The following BCAR3 variants were observed in gnomAD, a reference collection of about 807,000 sequenced individuals.
The protein encoded by BCAR3 is breast cancer anti-estrogen resistance protein 3.
A neutral mutation model predicts 80.1 loss-of-function variants in BCAR3; 37 were observed. That is an observed-to-expected ratio of 0.46 (90% CI 0.36 to 0.61). The LOEUF (loss-of-function observed/expected upper bound fraction) is 0.61. Among genes scored for constraint, BCAR3 ranks in the 20% least tolerant of loss-of-function variants. The pLI is 0.00. For synonymous variants in BCAR3, 389 were observed against 418.9 expected (o/e 0.93, Z 0.87); for missense variants, 978 against 1,068.2 (o/e 0.92, Z 1.18).
At chr1:93,753,214 C>T (rs1453466890) in intron 2 of BCAR3, 3 of 152,190 alleles carry the variant, frequency 2.0e-5, no homozygotes, top group African/African-American at 7.2e-5. Flanking sequence ...GTGAATGATA[C>T]AGCTGCGATT....
intron 3 of BCAR3, among the ~76,000 whole-genome samples, chr1:93,610,934 A>G (rs532484944): frequency 4.6e-5 from 7 of 151,668 alleles, no homozygotes; most frequent in Admixed American, 2.0e-4. Context: ...AAAAAAAAAG[A>G]AAGAGCACTA....
At chr1:93,724,680 G>A (rs1650520124) in intron 2 of BCAR3, among the ~76,000 whole-genome samples, 1 of 152,174 alleles carries the variant, frequency 6.6e-6, no homozygotes, top group Non-Finnish European at 1.5e-5. Context: ...GTCCCATCTA[G>A]TGGGCCTTGG....
intron 3 of BCAR3, among the ~76,000 whole-genome samples, chr1:93,688,859 AC>A (rs1339516366): frequency 1.4e-4 from 21 of 151,880 alleles, no homozygotes; most frequent in African/African-American, 4.6e-4. Context: ...CTGCTCTCAA[AC>A]TCCTGACCTC....
chr1:93,664,876 G>C (rs1647826778), intron 2 of BCAR3, among the ~76,000 whole-genome samples: 1 of 152,180 alleles, frequency 6.6e-6, no homozygotes. Flanking sequence ...CAGATGCTTT[G>C]TTTGGCTGCT....
intron 2 of BCAR3, among the ~76,000 whole-genome samples, chr1:93,745,649 G>C (rs1042053197): frequency 3.9e-5 from 6 of 152,120 alleles, no homozygotes; most frequent in African/African-American, 1.4e-4. Flanking sequence ...TCTCTTCCAG[G>C]TGTTCATAAC....
At chr1:93,835,321 G>A (rs531008071) in intron 2 of BCAR3, among the ~76,000 whole-genome samples, 1 of 152,284 alleles carries the variant, frequency 6.6e-6, no homozygotes, top group African/African-American at 2.4e-5. Flanking sequence ...GCCATCAAAA[G>A]GCATCAGATC....
chr1:93,592,609 G>A lies in BCAR3; in HGVS notation c.358-216C>T. 1 of 524,264 alleles carries A rather than the reference G, an allele frequency of 1.9e-6. No homozygotes were observed. The highest frequency in any genetic ancestry group is 3.2e-6 in the Non-Finnish European group (1 of 307,874). 32.5% of individuals were successfully genotyped at this position (524,264 alleles called of 1,614,324 possible). A position where few individuals can be genotyped will look rare whatever the true frequency, so the allele number is the denominator to read the frequency against. ...TCACCTGCACATGGGGACTATGGTA[G>A]GAGAGTCCACCAAGAGGTTCCTTTT... On this transcript the variant is annotated intron_variant, in intron 3 of 11. Coordinates refer to ENST00000260502, the MANE Select transcript of BCAR3 (RefSeq NM_003567.4). This position sits in a 1 kb window ranked among gnomAD's most constrained non-coding sequence, Gnocchi z 4.8.
chr1:93,656,652 T>C (rs1387266776), intron 2 of BCAR3, among the ~76,000 whole-genome samples: 1 of 151,150 alleles, frequency 6.6e-6, no homozygotes, highest in African/African-American at 2.4e-5. Flanking sequence ...TCACCCAGGC[T>C]AAAGTACAGT....
At chr1:93,625,934 C>G (rs990767604) in intron 3 of BCAR3, among the ~76,000 whole-genome samples, 3 of 151,908 alleles carry the variant, frequency 2.0e-5, no homozygotes, top group Non-Finnish European at 4.4e-5. Flanking sequence ...ATTTCTCCCT[C>G]GACTACACTT....
chr1:93,606,380 T>C (rs1010979350), intron 3 of BCAR3, among the ~76,000 whole-genome samples: 1 of 151,844 alleles, frequency 6.6e-6, no homozygotes, highest in Non-Finnish European at 1.5e-5. Flanking sequence ...CACAAGAAAA[T>C]AGGGTGGTGG....
At chr1:93,671,591 G>C (rs978009241) in intron 2 of BCAR3, among the ~76,000 whole-genome samples, 3 of 152,176 alleles carry the variant, frequency 2.0e-5, no homozygotes, top group Non-Finnish European at 4.4e-5. Context: ...GACTGAGCTG[G>C]AGTGAATGGT....
chr1:93,697,619 A>G (rs1266867071), intron 3 of BCAR3, among the ~76,000 whole-genome samples: 1 of 152,140 alleles, frequency 6.6e-6, no homozygotes, highest in Admixed American at 6.5e-5. Flanking sequence ...ATACTATACA[A>G]TTGGACTCTG....
At chr1:93,701,500 A>C (rs1649641174) in intron 3 of BCAR3, among the ~76,000 whole-genome samples, 1 of 152,212 alleles carries the variant, frequency 6.6e-6, no homozygotes, top group African/African-American at 2.4e-5. Context: ...ATCTCTTCAC[A>C]ATGACATATT....
chr1:93,610,489 AAAC>A (rs146214546), intron 3 of BCAR3, among the ~76,000 whole-genome samples: 1,969 of 152,312 alleles, frequency 0.013, 37 homozygotes, highest in African/African-American at 0.046. Context: ...AAAAACAAAC[AAAC>A]AACAACATCA....
chr1:93,582,736 C>T lies in BCAR3; in HGVS notation c.1251G>A (p.Ser417=), dbSNP rs757652521. ...PCKVPFLKVP[S]SPSAWLNSEA... The stretch of plus-strand genomic sequence containing the variant: ...CTGAGTTGAGCCAGGCAGAGGGAGA[C>T]GAGGGAACCTTGAGGAACGGCACCT... The change falls in exon 7 of 12, where the codon TCG becomes TCA. Residue 417 remains serine, a synonymous_variant. Transcript: ENST00000260502. 4.1e-5 allele frequency: 66 copies of T among 1,613,954 alleles called. No homozygotes were observed. The highest frequency in any genetic ancestry group is 8.9e-5 in the East Asian group (4 of 44,874).
intron 3 of BCAR3, among the ~76,000 whole-genome samples, chr1:93,608,268 G>A (rs973203456): frequency 1.3e-5 from 2 of 152,176 alleles, no homozygotes; most frequent in East Asian, 3.9e-4. Flanking sequence ...ACACACACTG[G>A]AAATACAGCT....
intron 2 of BCAR3, among the ~76,000 whole-genome samples, chr1:93,783,488 T>C (rs960982792): frequency 6.6e-6 from 1 of 151,734 alleles, no homozygotes; most frequent in African/African-American, 2.4e-5. Context: ...AGCATAAATA[T>C]ATAGAAAAAA....
At chr1:93,763,248 G>C (rs959454824) in intron 2 of BCAR3, among the ~76,000 whole-genome samples, 9 of 152,080 alleles carry the variant, frequency 5.9e-5, no homozygotes, top group Non-Finnish European at 1.3e-4. Context: ...ATGTTTTTTA[G>C]AGTTGGGGTC....
intron 3 of BCAR3, among the ~76,000 whole-genome samples, chr1:93,605,791 A>C (rs977218963): frequency 2.0e-5 from 3 of 152,238 alleles, no homozygotes; most frequent in Non-Finnish European, 2.9e-5. Flanking sequence ...TGAATGAATG[A>C]GATGAATTAG....
Sources: allele counts gnomAD v4.1 joint callset (sites outside exome capture counted in the v4.1 genomes callset), GRCh38; gene constraint gnomAD v4.1.1; non-coding constraint Gnocchi (gnomAD v3.1); transcripts MANE v1.5; gene names NCBI Gene and HGNC (gene_info 2026-07-23, HGNC 2026-07-21).